Variants in TTC7A observed in about 807,000 individuals in gnomAD.
TTC7A encodes tetratricopeptide repeat domain 7A.
A neutral mutation model predicts 103.7 loss-of-function variants in TTC7A; 110 were observed. That is an observed-to-expected ratio of 1.06 (90% CI 0.91 to 1.24). The LOEUF is 1.24. Among genes scored for constraint, TTC7A ranks in the 50% most tolerant of loss-of-function variants. The probability of loss-of-function intolerance (pLI) is 0.00; values close to 1 mark genes in which losing one functional copy is unlikely to be tolerated. For missense variants in TTC7A, 1,340 were observed against 1,116.3 expected, an observed-to-expected ratio of 1.20 and a Z score of -2.86; for synonymous variants, 521 against 467.9, an observed-to-expected ratio of 1.11 and a Z score of -1.47.
chr2:46,980,659 G>T (rs1674355077), intron 5 of TTC7A, among the ~76,000 whole-genome samples: 1 of 152,182 alleles, frequency 6.6e-6, no homozygotes, highest in Admixed American at 6.5e-5. Context: ...TCTGGGCCCT[G>T]GCTGGGGCAG....
chr2:46,997,555 G>A (rs1558555754), intron 8 of TTC7A, among the ~76,000 whole-genome samples: 1 of 152,102 alleles, frequency 6.6e-6, no homozygotes, highest in South Asian at 2.1e-4. Context: ...TATGGCTGTT[G>A]GTCAAGGTCA....
chr2:47,044,582 C>G (rs765609747), intron 15 of TTC7A, among the ~76,000 whole-genome samples: 5 of 152,142 alleles, frequency 3.3e-5, no homozygotes, highest in Non-Finnish European at 7.3e-5. Flanking sequence ...GTCGTTAGTT[C>G]TATGTTCCAA....
chr2:46,938,691 G>A (rs1257878347), upstream of TTC7A, among the ~76,000 whole-genome samples: 1 of 152,174 alleles, frequency 6.6e-6, no homozygotes, highest in Non-Finnish European at 1.5e-5. Flanking sequence ...TATGGGCCCT[G>A]TGTGGTGGGT....
intron 15 of TTC7A, among the ~76,000 whole-genome samples, chr2:47,036,317 T>G (rs1681102993): frequency 6.6e-6 from 1 of 152,238 alleles, no homozygotes; most frequent in African/African-American, 2.4e-5. Context: ...TTTCAGGCTG[T>G]TGATTTTTAA....
chr2:46,930,846 C>T (rs1374051921), intron 2 of TTC7A, among the ~76,000 whole-genome samples: 1 of 152,058 alleles, frequency 6.6e-6, no homozygotes, highest in Non-Finnish European at 1.5e-5. Context: ...ATTTTTAAAC[C>T]TTCCCATAAA....
Position 47,024,258 on chromosome 2 carries a change from C to G in TTC7A, c.1569-29C>G, listed in dbSNP as rs377473701. On this transcript the variant is annotated intron_variant, in intron 13 of 19. Transcript: ENST00000319190. ...ACGTTGGTCACTCAACCCCTGGTGC[C>G]TGACTTGTCACTCCCTCTCCCCACA... The G allele has an allele frequency of 1.5e-4, 237 of 1,573,370 alleles. No individual in the cohort carries two copies. The African/African-American group carries it at 2.8e-3, about 19-fold the overall frequency.
rs1350007613 is a variant in TTC7A, at chr2:47,021,959, A to G, written c.1490A>G (p.Tyr497Cys). 4 of 1,613,380 alleles carry G rather than the reference A, an allele frequency of 2.5e-6. No individual in the cohort carries two copies. In the East Asian group the frequency reaches 6.7e-5, roughly 27 times the overall value. Residue 497 changes from tyrosine to cysteine, a missense_variant, in exon 12 of 20, where the codon TAT becomes TGT. By Grantham distance (194) the Tyr-to-Cys change is radical. Transcript: ENST00000319190. ...PKGYLALGLT[Y>C]SLQATDATLK... Reference sequence around the variant, plus strand: ...GGCTACCTGGCTCTGGGTCTCACCTATAGCCTGCAGGCCACCGACGGTGAG... The same window carrying G: ...GGCTACCTGGCTCTGGGTCTCACCTGTAGCCTGCAGGCCACCGACGGTGAG...
At chr2:46,942,155 A>G (rs1670483512) in intron 1 of TTC7A, among the ~76,000 whole-genome samples, 1 of 152,190 alleles carries the variant, frequency 6.6e-6, no homozygotes, top group African/African-American at 2.4e-5. Flanking sequence ...CGAAGCAGAC[A>G]GGGGCGAGGG....
At chr2:46,990,939 G>T (rs1455795833) in intron 5 of TTC7A, among the ~76,000 whole-genome samples, 1 of 152,054 alleles carries the variant, frequency 6.6e-6, no homozygotes, top group Non-Finnish European at 1.5e-5. Flanking sequence ...TTGAGATAGG[G>T]TCTTGCTCTG....
intron 2 of TTC7A, among the ~76,000 whole-genome samples, chr2:46,956,120 T>G (rs1279560714): frequency 1.3e-5 from 2 of 152,190 alleles, no homozygotes; most frequent in Non-Finnish European, 2.9e-5. Flanking sequence ...ACAAGACCAC[T>G]GCAGGCCCTA....
intron 3 of TTC7A, among the ~76,000 whole-genome samples, chr2:46,972,525 C>T (rs1211089725): frequency 6.6e-6 from 1 of 152,206 alleles, no homozygotes; most frequent in African/African-American, 2.4e-5. Context: ...TTAACAACCC[C>T]AGTGGAAAGA....
intron 10 of TTC7A, among the ~76,000 whole-genome samples, chr2:47,011,066 C>T (rs1677990578): frequency 6.6e-6 from 1 of 152,168 alleles, no homozygotes; most frequent in Non-Finnish European, 1.5e-5. Flanking sequence ...CTTGGGGAGA[C>T]CTTCCATTCG....
intron 3 of TTC7A, among the ~76,000 whole-genome samples, chr2:46,972,617 C>A (rs1463034386): frequency 6.6e-6 from 1 of 152,178 alleles, no homozygotes; most frequent in Non-Finnish European, 1.5e-5. Context: ...CTGTCATGAT[C>A]AGCTGAGATT....
chr2:47,048,401 G>C (rs1682540603), intron 16 of TTC7A, among the ~76,000 whole-genome samples: 1 of 152,152 alleles, frequency 6.6e-6, no homozygotes, highest in South Asian at 2.1e-4. Flanking sequence ...ACCCAGCCCT[G>C]CTCCATGCCA....
At chr2:47,071,393 C>T (rs1180319321) in intron 19 of TTC7A, among the ~76,000 whole-genome samples, 3 of 152,158 alleles carry the variant, frequency 2.0e-5, no homozygotes, top group Non-Finnish European at 2.9e-5. Flanking sequence ...CATGCCCTCT[C>T]CCAGCTTCTA....
In TTC7A at chr2:46,935,744, T is replaced by C. The variant is rs115376562; in HGVS notation, c.83-14619T>C. On this transcript the variant is annotated intron_variant, in intron 2 of 20. Transcript: ENST00000409245. ...CTTCCTGCTTGGAGTTCTTTCAGAC[T>C]GAAACAATGAGAGATGCAAGTCTTG... is the stretch of plus-strand genomic sequence containing the variant. Among the ~76,000 whole-genome samples, 712 of 152,276 alleles carry C rather than the reference T, an allele frequency of 4.7e-3. 2 individuals are homozygous for C. The highest frequency in any genetic ancestry group is 7.9e-3 in the Non-Finnish European group (540 of 68,030).
intron 3 of TTC7A, among the ~76,000 whole-genome samples, chr2:46,964,748 C>A (rs560550478): frequency 8.3e-4 from 126 of 152,278 alleles, no homozygotes; most frequent in African/African-American, 2.8e-3. Flanking sequence ...GCCCGTTCAG[C>A]CTCCCCAAGC....
intron 18 of TTC7A, among the ~76,000 whole-genome samples, chr2:47,053,288 C>CCGT (rs1474903795): frequency 6.6e-6 from 1 of 152,108 alleles, no homozygotes; most frequent in Admixed American, 6.6e-5. Context: ...GCAAAGGTTC[C>CCGT]CGTCGTCTTC....
upstream of TTC7A, among the ~76,000 whole-genome samples, chr2:46,936,624 G>A (rs73926979): frequency 0.021 from 3,265 of 152,188 alleles, 124 homozygotes; most frequent in African/African-American, 0.073. Context: ...CCTCGGGCCA[G>A]ACTTCTGCTT....
Sources: gnomAD v4.1 joint callset for allele counts (sites outside exome capture counted in the v4.1 genomes callset) on GRCh38, gnomAD v4.1.1 for gene constraint, MANE v1.5 for transcripts, NCBI Gene and HGNC (gene_info 2026-07-23, HGNC 2026-07-21) for gene names.